Variants in ADARB2 observed in about 807,000 individuals in gnomAD.
ADARB2 encodes inactive double-stranded RNA-specific editase B2.
ADARB2 carries 25 observed loss-of-function variants against 62.2 expected under a neutral mutation model. The observed-to-expected ratio is 0.40, with a 90% CI of 0.29 to 0.56. ADARB2 has a LOEUF of 0.56. Ranked by LOEUF, ADARB2 falls within the 20% of genes least tolerant of loss-of-function variation. The pLI, the probability that ADARB2 is intolerant of heterozygous loss-of-function variation, is 0.43. For synonymous variants in ADARB2, 572 were observed against 500.8 expected (o/e 1.14, Z -1.90); for missense variants, 1,071 against 1,077.4 (o/e 0.99, Z 0.08).
intron 1 of ADARB2, among the ~76,000 whole-genome samples, chr10:1,576,664 A>G (rs1833025990): frequency 1.3e-5 from 2 of 152,242 alleles, no homozygotes; most frequent in Non-Finnish European, 2.9e-5. Flanking sequence ...ATCAGTCTGT[A>G]GTGAGCGGAG....
intron 3 of ADARB2, chr10:1,292,678 C>G (rs1369954027): frequency 6.6e-6 from 1 of 152,158 alleles, no homozygotes; most frequent in Non-Finnish European, 1.5e-5. Flanking sequence ...GGGTGCCGCG[C>G]TTCTGAGAGG....
intron 1 of ADARB2, among the ~76,000 whole-genome samples, chr10:1,710,702 G>A (rs1834940124): frequency 6.6e-6 from 1 of 152,220 alleles, no homozygotes; most frequent in South Asian, 2.1e-4. Context: ...AATGCCGTTG[G>A]GCACCTGACT....
At chr10:1,602,035 A>G (rs1833421963) in intron 1 of ADARB2, among the ~76,000 whole-genome samples, 1 of 152,086 alleles carries the variant, frequency 6.6e-6, no homozygotes, top group African/African-American at 2.4e-5. Context: ...GGCTCATGGG[A>G]ACCGGTGCGT....
intron 1 of ADARB2, among the ~76,000 whole-genome samples, chr10:1,595,111 G>A (rs538267740): frequency 6.6e-6 from 1 of 152,350 alleles, no homozygotes; most frequent in South Asian, 2.1e-4. Flanking sequence ...TCATACGGAA[G>A]CTGAGGCTTG....
chr10:1,213,784 G>A (rs1371504783), intron 7 of ADARB2, among the ~76,000 whole-genome samples: 1 of 152,202 alleles, frequency 6.6e-6, no homozygotes, highest in Non-Finnish European at 1.5e-5. Context: ...AGGAGATTTT[G>A]TTACAGAGAG....
At chr10:1,592,336 C>A (rs1588315149) in intron 1 of ADARB2, among the ~76,000 whole-genome samples, 1 of 142,364 alleles carries the variant, frequency 7.0e-6, no homozygotes, top group African/African-American at 2.6e-5. Context: ...CCAAGCCACC[C>A]TCCATAGGTC....
At chr10:1,286,181 C>T (rs1019160680) in intron 3 of ADARB2, among the ~76,000 whole-genome samples, 1 of 152,162 alleles carries the variant, frequency 6.6e-6, no homozygotes, top group African/African-American at 2.4e-5. Context: ...GGAGGTGGGA[C>T]ACACCTCGAA....
At chr10:1,316,877 A>C (rs1831744616) in intron 3 of ADARB2, among the ~76,000 whole-genome samples, 1 of 152,258 alleles carries the variant, frequency 6.6e-6, no homozygotes, top group South Asian at 2.1e-4. Flanking sequence ...TAATGTGCTT[A>C]GCTCCTCACT....
At chr10:1,496,457 A>C (rs1474874768) in intron 1 of ADARB2, among the ~76,000 whole-genome samples, 1 of 151,978 alleles carries the variant, frequency 6.6e-6, no homozygotes, top group Non-Finnish European at 1.5e-5. Context: ...TAGTATCAAC[A>C]TTATCACCAC....
chr10:1,578,220 G>A (rs886448210), intron 1 of ADARB2, among the ~76,000 whole-genome samples: 5 of 152,190 alleles, frequency 3.3e-5, no homozygotes, highest in African/African-American at 1.2e-4. Flanking sequence ...GATGGCACGT[G>A]CAGAGGCAGG....
chr10:1,406,441 G>C (rs978938344), intron 1 of ADARB2, among the ~76,000 whole-genome samples: 1 of 152,138 alleles, frequency 6.6e-6, no homozygotes, highest in Non-Finnish European at 1.5e-5. Flanking sequence ...GGCTGGAGGG[G>C]TCACTGAAGC....
At chr10:1,469,979 G>A (rs907072968) in intron 1 of ADARB2, among the ~76,000 whole-genome samples, 3 of 152,116 alleles carry the variant, frequency 2.0e-5, no homozygotes, top group African/African-American at 7.2e-5. Context: ...ATTCCAGGGG[G>A]CATGAGGCCG....
intron 1 of ADARB2, among the ~76,000 whole-genome samples, chr10:1,695,624 A>T (rs927930878): frequency 3.3e-4 from 46 of 140,022 alleles, no homozygotes; most frequent in Admixed American, 2.9e-3. Flanking sequence ...TGTTTGTGAG[A>T]GTGTGTGCAT....
At chr10:1,654,410 T>A (rs1834150172) in intron 1 of ADARB2, among the ~76,000 whole-genome samples, 2 of 152,306 alleles carry the variant, frequency 1.3e-5, no homozygotes, top group South Asian at 2.1e-4. Context: ...GAGACAGGCC[T>A]GTTCCTGGAG....
At position 1,363,069 on chromosome 10, in the gene ADARB2, C is replaced by A. The variant is rs1386040782; in HGVS notation, c.1036G>T (p.Gly346Cys). Residue 346 changes from glycine (G) to cysteine (C), a missense_variant, in exon 3 of 10, where the codon GGC becomes TGC. Coordinates refer to ENST00000381312, the MANE Select transcript of ADARB2 (RefSeq NM_018702.4). ...CTCCTGGCCCTGCCGGGCGCGTGGC[C>A]GGGCATCTGGATGTCGAACAGCTCC... is the stretch of plus-strand genomic sequence containing the variant. ...LQELFDIQMP[G>C]HAPGRARRTP... 2 of 1,455,844 alleles carry A rather than the reference C, an allele frequency of 1.4e-6. No homozygotes were observed. The highest frequency in any genetic ancestry group is 1.4e-5 in the South Asian group (1 of 72,180). The allele number at this position is 1,455,844 out of a possible 1,614,324, so 90.2% of individuals were successfully genotyped here. A position where few individuals can be genotyped will look rare whatever the true frequency, so the allele number is the denominator to read the frequency against.
At chr10:1,496,431 G>A in intron 1 of ADARB2, among the ~76,000 whole-genome samples, 1 of 150,028 alleles carries the variant, frequency 6.7e-6, no homozygotes, top group East Asian at 2.0e-4. Context: ...TCATCATTTA[G>A]TATCAACATT....
chr10:1,298,772 T>A (rs1159037615), intron 3 of ADARB2, among the ~76,000 whole-genome samples: 2 of 86,138 alleles, frequency 2.3e-5, no homozygotes, highest in African/African-American at 8.4e-5. Flanking sequence ...TTTTTTTTTT[T>A]AGATTTGCCC....
chr10:1,261,987 T>C (rs887175182), intron 4 of ADARB2, among the ~76,000 whole-genome samples: 1 of 148,132 alleles, frequency 6.8e-6, no homozygotes, highest in Non-Finnish European at 1.5e-5. Flanking sequence ...TTCATGTCCT[T>C]TGTAGGGACA....
intron 1 of ADARB2, among the ~76,000 whole-genome samples, chr10:1,506,879 C>A (rs1392637870): frequency 6.6e-6 from 1 of 152,162 alleles, no homozygotes; most frequent in Non-Finnish European, 1.5e-5. Flanking sequence ...ACGTGAGGGC[C>A]CTGGTTTCGT....
Sources: allele counts gnomAD v4.1 joint callset (sites outside exome capture counted in the v4.1 genomes callset), GRCh38; gene constraint gnomAD v4.1.1; transcripts MANE v1.5; gene names NCBI Gene and HGNC (gene_info 2026-07-23, HGNC 2026-07-21).